Variants in NF1 observed in about 807,000 individuals in gnomAD.
NF1 encodes neurofibromin 1.
In NF1, 122 loss-of-function variants were observed where a neutral mutation model predicts 325.7. The ratio of observed to expected loss-of-function variants is 0.37; its 90% CI spans 0.32 to 0.44. NF1 has a LOEUF of 0.44. Among genes scored for constraint, NF1 ranks in the 20% least tolerant of loss-of-function variants. NF1 has a pLI of 1.00. For missense variants in NF1, 2,140 were observed against 3,415.4 expected (o/e 0.63, Z 9.31); for synonymous variants, 1,091 against 1,186.0 (o/e 0.92, Z 1.65).
intron 36 of NF1, among the ~76,000 whole-genome samples, chr17:31,275,344 T>G (rs2067985281): frequency 6.6e-6 from 1 of 152,202 alleles, no homozygotes; most frequent in African/African-American, 2.4e-5. Flanking sequence ...AGTGCTGCAT[T>G]AGTCAACCCA....
chr17:31,322,094 T>TATAC (rs567796632), intron 36 of NF1, among the ~76,000 whole-genome samples: 1 of 147,308 alleles, frequency 6.8e-6, no homozygotes, highest in Non-Finnish European at 1.5e-5. Context: ...AGTGTGTGTA[T>TATAC]ACACACACAC....
At chr17:31,096,655 C>T (rs886417630) in intron 1 of NF1, among the ~76,000 whole-genome samples, 1 of 152,086 alleles carries the variant, frequency 6.6e-6, no homozygotes, top group Non-Finnish European at 1.5e-5. Context: ...GGGGGAAGAG[C>T]TCTTCTGTTA....
intron 4 of NF1, among the ~76,000 whole-genome samples, chr17:31,167,415 T>G (rs1438862704): frequency 2.6e-5 from 4 of 152,230 alleles, no homozygotes; most frequent in African/African-American, 9.6e-5. Flanking sequence ...GAAGGAAGAA[T>G]AGGATTGATT....
At chr17:31,257,333 T>C (rs2067600082) in intron 31 of NF1, among the ~76,000 whole-genome samples, 1 of 152,138 alleles carries the variant, frequency 6.6e-6, no homozygotes, top group Non-Finnish European at 1.5e-5. Context: ...AGAATAGCTG[T>C]AGAGATTAAA....
At chr17:31,143,704 G>A (rs1413337551) in intron 1 of NF1, among the ~76,000 whole-genome samples, 3 of 152,160 alleles carry the variant, frequency 2.0e-5, no homozygotes, top group African/African-American at 7.2e-5. Context: ...GTGTGAATAT[G>A]AATATCTTTT....
At chr17:31,357,507 A>G in intron 54 of NF1, 138 bp downstream of exon 54, 1 of 730,476 alleles carries the variant, frequency 1.4e-6, no homozygotes, top group Admixed American at 2.0e-5. Flanking sequence ...CAGTAGGTTT[A>G]ATGAGGGTTA....
At chr17:31,179,766 G>C (rs2066091517) in intron 5 of NF1, among the ~76,000 whole-genome samples, 1 of 150,892 alleles carries the variant, frequency 6.6e-6, no homozygotes, top group Non-Finnish European at 1.5e-5. Context: ...CTGGGCGACA[G>C]AGCAAGACTC....
intron 36 of NF1, among the ~76,000 whole-genome samples, chr17:31,275,022 C>G (rs182081406): frequency 6.6e-6 from 1 of 152,248 alleles, no homozygotes; most frequent in East Asian, 1.9e-4. Context: ...TCTTATTTAT[C>G]TTAAGCTCTC....
chr17:31,110,632 G>A (rs1247830614), intron 1 of NF1, among the ~76,000 whole-genome samples: 1 of 152,016 alleles, frequency 6.6e-6, no homozygotes, highest in African/African-American at 2.4e-5. Flanking sequence ...ACTTATAGAA[G>A]CAGACTCAGA....
chr17:31,356,370 A>G, intron 51 of NF1, 90 bp from the exon 52 acceptor site: 1 of 1,398,322 alleles, frequency 7.2e-7, no homozygotes, highest in Non-Finnish European at 1.0e-6. Flanking sequence ...AAGCTTAAAC[A>G]CTTTATGTCC....
At chr17:31,214,239 T>C (rs1383623899) in intron 12 of NF1, among the ~76,000 whole-genome samples, 1 of 152,038 alleles carries the variant, frequency 6.6e-6, no homozygotes, top group Non-Finnish European at 1.5e-5. Flanking sequence ...TAAAAAAAAA[T>C]ATAAATGGTG....
rs2069674271 is a variant in NF1, at chr17:31,336,550, T to C, written c.6147+77T>C. 6 of 1,599,350 alleles carry C rather than the reference T, an allele frequency of 3.8e-6. No individual in the cohort carries two copies. Among genetic ancestry groups the C allele is most frequent in the Non-Finnish European group, 5.1e-6 (6 of 1,171,484 alleles). ...AGGAGGTTTTTTGTTTTGTAATTAC[T>C]TTTAAATTAAACTGAACTTTTTTGT... On this transcript the variant is annotated intron_variant, in intron 41 of 57. Transcript: ENST00000358273. This position sits in a 1 kb window ranked among gnomAD's most constrained non-coding sequence, Gnocchi z 5.5.
chr17:31,173,322 A>G (rs1437164699), intron 5 of NF1, among the ~76,000 whole-genome samples: 1 of 152,148 alleles, frequency 6.6e-6, no homozygotes. Flanking sequence ...AGGCAGGAGA[A>G]TGGCATGAAC....
intron 1 of NF1, among the ~76,000 whole-genome samples, chr17:31,097,856 C>T (rs1321273232): frequency 1.3e-5 from 2 of 152,018 alleles, no homozygotes; most frequent in African/African-American, 4.8e-5. Context: ...ACCATCGTGC[C>T]TGGCTAATTT....
intron 13 of NF1, among the ~76,000 whole-genome samples, chr17:31,217,491 G>T (rs2066839729): frequency 6.6e-6 from 1 of 151,730 alleles, no homozygotes; most frequent in Non-Finnish European, 1.5e-5. Flanking sequence ...TTTTAGGAGA[G>T]ATGGGGTTTC....
At chr17:31,120,091 G>C (rs1281280689) in intron 1 of NF1, among the ~76,000 whole-genome samples, 1 of 152,032 alleles carries the variant, frequency 6.6e-6, no homozygotes, top group Non-Finnish European at 1.5e-5. Flanking sequence ...TTGGCTCTAC[G>C]GGCTCTTTTT....
chr17:31,300,430 C>CT (rs1430440465), intron 36 of NF1, among the ~76,000 whole-genome samples: 1 of 151,932 alleles, frequency 6.6e-6, no homozygotes, highest in Admixed American at 6.6e-5. Flanking sequence ...ATAACTTGTT[C>CT]TTCTTTTCTT....
intron 36 of NF1, chr17:31,299,704 T>C (rs568120067): frequency 5.9e-5 from 9 of 152,194 alleles, no homozygotes; most frequent in Non-Finnish European, 1.2e-4. Flanking sequence ...CTGAGAGTAC[T>C]CAATAAAGTA....
At chr17:31,194,854 G>A (rs2143845675) in intron 8 of NF1, among the ~76,000 whole-genome samples, 1 of 152,158 alleles carries the variant, frequency 6.6e-6, no homozygotes, top group Middle Eastern at 3.4e-3. Context: ...AAATGTATTG[G>A]GTAGCTGCTT....
Sources: gnomAD v4.1 joint callset for allele counts (sites outside exome capture counted in the v4.1 genomes callset) on GRCh38, gnomAD v4.1.1 for gene constraint, Gnocchi (gnomAD v3.1) non-coding constraint, MANE v1.5 for transcripts, NCBI Gene and HGNC (gene_info 2026-07-23, HGNC 2026-07-21) for gene names.